Variants in VWDE observed in about 807,000 individuals in gnomAD.
VWDE encodes the protein von Willebrand factor D and EGF domains.
In VWDE, 207 loss-of-function variants were observed where a neutral mutation model predicts 178.4. That is an observed-to-expected ratio of 1.16 (90% confidence interval 1.04 to 1.30). The LOEUF (loss-of-function observed/expected upper bound fraction) is 1.30, where lower values mean the gene tolerates loss of function less well. VWDE is among the 50% of genes most tolerant of loss of function. VWDE has a pLI of 0.00. For missense variants in VWDE, 2,287 were observed against 1,901.3 expected (o/e 1.20, Z -3.77); for synonymous variants, 738 against 651.4 (o/e 1.13, Z -2.02).
rs1781002968 is a variant in VWDE, at chr7:12,336,027, A to T, written c.4654+114T>A. Reference sequence around the variant, plus strand: ...TATCTAAAATCATTTTTTAAAAAGGATCAGCATGCTGGAGTTTTTTCCCCC... The same window carrying T: ...TATCTAAAATCATTTTTTAAAAAGGTTCAGCATGCTGGAGTTTTTTCCCCC... On this transcript the variant is annotated intron_variant, in intron 27 of 28. Transcript: ENST00000275358. 3.6e-6 allele frequency: 3 copies of T among 826,018 alleles called. No homozygotes were observed. The South Asian group carries it at 5.4e-5, about 15-fold the overall frequency. 51.2% of individuals were successfully genotyped at this position (826,018 alleles called of 1,614,324 possible). A position where few individuals can be genotyped will look rare whatever the true frequency, so the allele number is the denominator to read the frequency against.
chr7:12,403,618 C>A (rs1394814933), intron 1 of VWDE, 41 bp downstream of exon 1: 7 of 1,523,650 alleles, frequency 4.6e-6, no homozygotes, highest in South Asian at 1.2e-5. Flanking sequence ...GCCCACGCGG[C>A]GCCACTGCGC....
intron 3 of VWDE, among the ~76,000 whole-genome samples, chr7:12,385,701 A>G (rs1034980924): frequency 6.6e-6 from 1 of 152,214 alleles, no homozygotes; most frequent in African/African-American, 2.4e-5. Context: ...TTTGCTATCT[A>G]TGCAGTCTAA....
intron 1 of VWDE, among the ~76,000 whole-genome samples, chr7:12,401,091 C>T (rs1784872072): frequency 6.6e-6 from 1 of 152,000 alleles, no homozygotes; most frequent in Non-Finnish European, 1.5e-5. Flanking sequence ...ACGAAAATCC[C>T]ATAGCTTACA....
At chr7:12,344,337 C>G (rs1455960899) in intron 20 of VWDE, 37 bp downstream of exon 20, 2 of 1,549,722 alleles carry the variant, frequency 1.3e-6, no homozygotes, top group East Asian at 4.9e-5. Context: ...TTACCAAATA[C>G]AATTTATCAT....
At chr7:12,381,342 G>C (rs150525031) in intron 4 of VWDE, among the ~76,000 whole-genome samples, 1 of 151,928 alleles carries the variant, frequency 6.6e-6, no homozygotes, top group Non-Finnish European at 1.5e-5. Flanking sequence ...ATCAAATCTG[G>C]GGATCTGAAA....
At chr7:12,365,698 C>T (rs1422235808) in intron 13 of VWDE, among the ~76,000 whole-genome samples, 1 of 151,884 alleles carries the variant, frequency 6.6e-6, no homozygotes, top group East Asian at 1.9e-4. Context: ...AAAATAGTGG[C>T]ACATTAAACA....
intron 1 of VWDE, among the ~76,000 whole-genome samples, chr7:12,401,801 G>A (rs866954625): frequency 1.3e-5 from 2 of 151,934 alleles, no homozygotes; most frequent in African/African-American, 2.4e-5. Flanking sequence ...CATATATCTC[G>A]GAGAAATGAA....
At chr7:12,378,746 T>C (rs1783676014) in intron 6 of VWDE, among the ~76,000 whole-genome samples, 1 of 152,180 alleles carries the variant, frequency 6.6e-6, no homozygotes, top group African/African-American at 2.4e-5. Context: ...CTCTTCTCAC[T>C]TCTTTTCCTG....
rs759372973 is a variant in VWDE, at chr7:12,393,797, T to C, written c.59-19A>G. On this transcript the variant is annotated intron_variant, in intron 1 of 28. Coordinates refer to ENST00000275358, the MANE Select transcript of VWDE (RefSeq NM_001135924.3). The stretch of plus-strand genomic sequence containing the variant: ...TCCTGAGCTAGTATGGAAAGACAGG[T>C]GTTTTTATGTAATGTGTTTTGTTTG... The C allele has an allele frequency of 4.0e-6, 6 of 1,515,314 alleles. No individual in the cohort carries two copies. In the South Asian group the frequency reaches 6.4e-5, roughly 16 times the overall value. 93.9% of individuals were successfully genotyped at this position (1,515,314 alleles called of 1,614,324 possible).
intron 15 of VWDE, among the ~76,000 whole-genome samples, chr7:12,359,959 G>T (rs767606616): frequency 1.3e-5 from 2 of 152,072 alleles, no homozygotes; most frequent in Non-Finnish European, 2.9e-5. Flanking sequence ...TAACATGGGA[G>T]AAAATCTCTC....
intron 28 of VWDE, among the ~76,000 whole-genome samples, chr7:12,333,242 AC>A (rs1333341562): frequency 6.6e-6 from 1 of 152,146 alleles, no homozygotes; most frequent in African/African-American, 2.4e-5. Context: ...GTTACATTGG[AC>A]AGTTGTATCT....
At chr7:12,384,628 T>C (rs1411743229) in intron 3 of VWDE, among the ~76,000 whole-genome samples, 1 of 152,136 alleles carries the variant, frequency 6.6e-6, no homozygotes, top group Non-Finnish European at 1.5e-5. Flanking sequence ...AAATCTATAA[T>C]AATAGTGAAA....
chr7:12,353,165 A>G (rs949390283), intron 18 of VWDE, among the ~76,000 whole-genome samples: 3 of 152,192 alleles, frequency 2.0e-5, no homozygotes, highest in Admixed American at 1.3e-4. Flanking sequence ...TTATCTTGCC[A>G]TTCTGGAGGC....
At chr7:12,357,019 G>C (rs764638581) in intron 17 of VWDE, among the ~76,000 whole-genome samples, 4 of 152,118 alleles carry the variant, frequency 2.6e-5, no homozygotes, top group Non-Finnish European at 4.4e-5. Context: ...TCTTGTCATA[G>C]TGAAGTGCCA....
At chr7:12,371,862 T>A (rs1328403768) in intron 10 of VWDE, among the ~76,000 whole-genome samples, 1 of 152,080 alleles carries the variant, frequency 6.6e-6, no homozygotes, top group African/African-American at 2.4e-5. Context: ...ACCACTTAAC[T>A]ATGACTTTTT....
intron 19 of VWDE, among the ~76,000 whole-genome samples, chr7:12,350,129 T>C (rs1169893829): frequency 6.6e-6 from 1 of 152,018 alleles, no homozygotes; most frequent in Non-Finnish European, 1.5e-5. Context: ...ATAAATGTTT[T>C]ATTAAAGTGG....
intron 18 of VWDE, among the ~76,000 whole-genome samples, chr7:12,352,676 A>T (rs10259259): frequency 0.88 from 134,617 of 152,124 alleles, 59,649 homozygotes; most frequent in Admixed American, 0.92. Context: ...AATTCCCCTT[A>T]CCATCCTATA....
intron 19 of VWDE, among the ~76,000 whole-genome samples, chr7:12,347,435 A>G (rs1249472785): frequency 6.6e-6 from 1 of 152,192 alleles, no homozygotes; most frequent in Non-Finnish European, 1.5e-5. Flanking sequence ...GAGATATCAT[A>G]AAAATTACAA....
intron 24 of VWDE, among the ~76,000 whole-genome samples, chr7:12,339,658 C>G (rs1781222065): frequency 6.6e-6 from 1 of 152,094 alleles, no homozygotes; most frequent in East Asian, 1.9e-4. Context: ...TGGAAATACT[C>G]TGACATGTTC....
Sources: gnomAD v4.1 joint callset for allele counts (sites outside exome capture counted in the v4.1 genomes callset) on GRCh38, gnomAD v4.1.1 for gene constraint, MANE v1.5 for transcripts, NCBI Gene and HGNC (gene_info 2026-07-23, HGNC 2026-07-21) for gene names.